Variants in SBF2 observed in about 807,000 individuals in gnomAD.
SBF2 encodes the protein SET binding factor 2, also known as myotubularin-related protein 13.
Under a neutral mutation model 225.2 loss-of-function variants are expected in SBF2, and 112 were observed. The observed-to-expected ratio is 0.50, with a 90% CI of 0.43 to 0.58. The LOEUF (loss-of-function observed/expected upper bound fraction) is 0.58. Ranked by LOEUF, SBF2 falls within the 20% of genes least tolerant of loss-of-function variation. The pLI is 0.00. For missense variants in SBF2, 1,996 were observed against 2,206.2 expected, an observed-to-expected ratio of 0.90 and a Z score of 1.91; for synonymous variants, 763 against 773.3, an observed-to-expected ratio of 0.99 and a Z score of 0.22.
chr11:10,195,105 A>G (rs1957311253), intron 1 of SBF2, among the ~76,000 whole-genome samples: 1 of 152,174 alleles, frequency 6.6e-6, no homozygotes, highest in Non-Finnish European at 1.5e-5. Context: ...GGGTTTCCCA[A>G]CATCAGCACT....
At chr11:10,132,996 G>C (rs1954143991) in intron 2 of SBF2, among the ~76,000 whole-genome samples, 1 of 148,938 alleles carries the variant, frequency 6.7e-6, no homozygotes, top group Non-Finnish European at 1.5e-5. Flanking sequence ...CTAAACACAG[G>C]GTGCTGATTG....
intron 2 of SBF2, among the ~76,000 whole-genome samples, chr11:10,068,114 G>A (rs1950702887): frequency 6.6e-6 from 1 of 152,198 alleles, no homozygotes; most frequent in African/African-American, 2.4e-5. Flanking sequence ...AATTCTCCCT[G>A]CAAATTGGAT....
chr11:10,028,547 G>A lies in SBF2; in HGVS notation c.524C>T (p.Ser175Phe). 4 of 1,608,982 alleles carry A rather than the reference G, an allele frequency of 2.5e-6. No homozygotes were observed. The highest frequency in any genetic ancestry group is 3.4e-6 in the Non-Finnish European group (4 of 1,175,764). ...CAACTGTCTATCTCCTGCACCCAAA[G>A]AAAACAGCTTCTGCAGAATGGGAGA... is the stretch of plus-strand genomic sequence containing the variant. ...PAAGGSQKLF[S>F]LGAGDRQLIQ... Residue 175 changes from serine (S) to phenylalanine (F), a missense_variant, in exon 6 of 40, where the codon TCT (serine) becomes TTT (phenylalanine). Coordinates refer to ENST00000256190, the MANE Select transcript of SBF2 (RefSeq NM_030962.4).
rs559669098 is a variant in SBF2 at position 10,246,148 on chromosome 11, G to A, written c.55+47867C>T. On this transcript the variant is annotated intron_variant, in intron 1 of 39. Transcript: ENST00000256190. The stretch of plus-strand genomic sequence containing the variant: ...TGTGTTCTTATCACACACAAAAAAA[G>A]AAAGAGTGGGGGGAAGCTTTTGAAG... 1.2e-3 allele frequency among the ~76,000 whole-genome samples: 186 copies of A among 152,230 alleles called. 2 individuals are homozygous for A. Among genetic ancestry groups the A allele is most frequent in the Admixed American group, 0.01 (159 of 15,292 alleles).
intron 14 of SBF2, among the ~76,000 whole-genome samples, chr11:9,965,198 T>A (rs533496342): frequency 6.6e-6 from 1 of 152,200 alleles, no homozygotes; most frequent in Non-Finnish European, 1.5e-5. Flanking sequence ...TCCCTTCACC[T>A]TCTCCCATAC....
chr11:9,989,110 G>C (rs1007228353), intron 13 of SBF2, among the ~76,000 whole-genome samples: 6 of 151,260 alleles, frequency 4.0e-5, no homozygotes, highest in Non-Finnish European at 8.9e-5. Context: ...ATACTGTGCA[G>C]CCATGAAAAG....
intron 16 of SBF2, among the ~76,000 whole-genome samples, chr11:9,931,508 CA>C (rs1864497172): frequency 6.6e-6 from 1 of 152,192 alleles, no homozygotes; most frequent in Non-Finnish European, 1.5e-5. Context: ...GGACCTCCAG[CA>C]AACTCCAACA....
At chr11:10,281,497 T>C (rs1963405552) in intron 1 of SBF2, among the ~76,000 whole-genome samples, 2 of 152,334 alleles carry the variant, frequency 1.3e-5, no homozygotes, top group Admixed American at 6.5e-5. Flanking sequence ...CTTATGCATG[T>C]CCACATGATT....
intron 36 of SBF2, among the ~76,000 whole-genome samples, chr11:9,785,613 G>A (rs1852321058): frequency 6.6e-6 from 1 of 152,144 alleles, no homozygotes; most frequent in Non-Finnish European, 1.5e-5. Flanking sequence ...TGTAATCCTA[G>A]CACTTTGGGA....
At chr11:10,090,072 A>T (rs1204362697) in intron 2 of SBF2, among the ~76,000 whole-genome samples, 2 of 152,238 alleles carry the variant, frequency 1.3e-5, no homozygotes, top group Admixed American at 6.5e-5. Flanking sequence ...AAGTGAAATA[A>T]GCCAGACACA....
intron 2 of SBF2, among the ~76,000 whole-genome samples, chr11:10,193,174 T>G (rs1957239738): frequency 6.6e-6 from 1 of 152,046 alleles, no homozygotes; most frequent in African/African-American, 2.4e-5. Flanking sequence ...TAAATGAACT[T>G]TTGGTTTTTT....
At chr11:9,905,409 A>G (rs1656340072) in intron 16 of SBF2, among the ~76,000 whole-genome samples, 1 of 152,248 alleles carries the variant, frequency 6.6e-6, no homozygotes, top group Non-Finnish European at 1.5e-5. Context: ...GATTTCCAGA[A>G]TTAACATTGA....
At position 9,993,085 on chromosome 11, in the gene SBF2, C is replaced by T. The variant is rs1372841015; in HGVS notation, c.1072G>A (p.Val358Ile). 15 of 1,610,392 alleles carry T rather than the reference C, an allele frequency of 9.3e-6. No individual in the cohort carries two copies. Among genetic ancestry groups the T allele is most frequent in the East Asian group, 6.7e-5 (3 of 44,764 alleles). Residue 358 changes from valine to isoleucine, a missense_variant, in exon 11 of 40, where the codon GTT becomes ATT. Val to Ile is a conservative substitution (Grantham distance 29). Transcript: ENST00000256190. ...AGTTGTGCAAATAATCTAAGGAAAA[C>T]GGCTCGCACCTCTTTATCCTAAAAA... is the stretch of plus-strand genomic sequence containing the variant. ...SKMLDKEVRAVFLRLFAQLFQ... is the reference protein window; with the variant it reads ...SKMLDKEVRAIFLRLFAQLFQ...
chr11:10,174,654 C>T (rs1452520126), intron 2 of SBF2, among the ~76,000 whole-genome samples: 1 of 152,098 alleles, frequency 6.6e-6, no homozygotes, highest in Non-Finnish European at 1.5e-5. Flanking sequence ...TCAGGAAATA[C>T]AGAGAACGCC....
chr11:9,866,718 A>C (rs1286006975), intron 17 of SBF2, among the ~76,000 whole-genome samples: 4 of 152,228 alleles, frequency 2.6e-5, no homozygotes, highest in African/African-American at 7.2e-5. Context: ...CAAAAGCAAA[A>C]ATAGACAAAT....
chr11:10,003,733 C>A (rs1169598548), intron 6 of SBF2, among the ~76,000 whole-genome samples: 2 of 151,854 alleles, frequency 1.3e-5, no homozygotes, highest in Non-Finnish European at 2.9e-5. Context: ...TTCTTTCATC[C>A]CCTCTGTTAG....
intron 21 of SBF2, among the ~76,000 whole-genome samples, chr11:9,851,246 G>C (rs1372914930): frequency 1.3e-5 from 2 of 152,064 alleles, no homozygotes; most frequent in East Asian, 3.8e-4. Context: ...AAAAGAATAG[G>C]AATTGTAAGA....
chr11:10,278,640 G>A (rs1331905171), intron 1 of SBF2, among the ~76,000 whole-genome samples: 15 of 151,980 alleles, frequency 9.9e-5, no homozygotes, highest in Admixed American at 6.6e-5. Context: ...AATATTAGCC[G>A]GGCATGGTGG....
At chr11:10,045,156 C>G (rs1303118444) in intron 2 of SBF2, among the ~76,000 whole-genome samples, 3 of 147,638 alleles carry the variant, frequency 2.0e-5, no homozygotes, top group African/African-American at 7.4e-5. Context: ...GTTTTTGTGA[C>G]TATCTATTGC....
Sources: gnomAD v4.1 joint callset for allele counts (sites outside exome capture counted in the v4.1 genomes callset) on GRCh38, gnomAD v4.1.1 for gene constraint, MANE v1.5 for transcripts, NCBI Gene and HGNC (gene_info 2026-07-23, HGNC 2026-07-21) for gene names.